The following PPP4R3A variants were observed in gnomAD, a reference collection of about 807,000 sequenced individuals.
PPP4R3A encodes the protein serine/threonine-protein phosphatase 4 regulatory subunit 3A.
A neutral mutation model predicts 91.7 loss-of-function variants in PPP4R3A; 15 were observed. The ratio of observed to expected loss-of-function variants is 0.16; its 90% confidence interval spans 0.11 to 0.25. The LOEUF (loss-of-function observed/expected upper bound fraction) is 0.25, where lower values mean the gene tolerates loss of function less well. Ranked by LOEUF, PPP4R3A falls within the 10% of genes least tolerant of loss-of-function variation. The probability of loss-of-function intolerance (pLI) is 1.00; values close to 1 mark genes in which losing one functional copy is unlikely to be tolerated. For synonymous variants in PPP4R3A, 377 were observed against 348.7 expected (o/e 1.08, Z -0.91); for missense variants, 623 against 998.4 (o/e 0.62, Z 5.07).
intron 1 of PPP4R3A, among the ~76,000 whole-genome samples, chr14:91,498,095 G>A (rs985412714): frequency 1.3e-5 from 2 of 152,152 alleles, no homozygotes; most frequent in African/African-American, 4.8e-5. Context: ...AGCACTTCAG[G>A]AGGCCAAGGT....
chr14:91,490,812 A>G lies in PPP4R3A; in HGVS notation c.143-10T>C, dbSNP rs765696148. On this transcript the variant is annotated splice_polypyrimidine_tract_variant and intron_variant, in intron 1 of 14. Transcript: ENST00000554943. ...TCTAAAAGTAGAGAACCTAGGAAAC[A>G]GAAAAAGACATTCCATTATGTTACT... 1 of 1,601,008 alleles carries G rather than the reference A, an allele frequency of 6.2e-7. No homozygotes were observed. Among genetic ancestry groups the G allele is most frequent in the South Asian group, 1.1e-5 (1 of 89,434 alleles).
intron 1 of PPP4R3A, among the ~76,000 whole-genome samples, chr14:91,505,279 C>A (rs1029877216): frequency 6.6e-6 from 1 of 152,040 alleles, no homozygotes; most frequent in Non-Finnish European, 1.5e-5. Flanking sequence ...ATGGTGAAAC[C>A]GTGTCCCTAC....
intron 1 of PPP4R3A, among the ~76,000 whole-genome samples, chr14:91,495,613 T>C (rs566159054): frequency 2.6e-5 from 4 of 152,256 alleles, no homozygotes; most frequent in African/African-American, 9.6e-5. Flanking sequence ...GTGGTGATGG[T>C]TGCAAACCTG....
chr14:91,486,918 A>AT (rs777921080), intron 2 of PPP4R3A, among the ~76,000 whole-genome samples: 16,578 of 149,178 alleles, frequency 0.11, 1,302 homozygotes, highest in Non-Finnish European at 0.18. Context: ...AAAAAAAAAA[A>AT]AAAAAATAGA....
In PPP4R3A at chr14:91,509,537, G is replaced by A. The variant is rs771668667; in HGVS notation, c.111C>T (p.Gly37=). The A allele has an allele frequency of 3.8e-6, 6 of 1,598,220 alleles. No homozygotes were observed. The highest frequency in any genetic ancestry group is 2.2e-5 in the East Asian group (1 of 44,630). The part of the protein sequence containing the change: ...VSSGYVERLK[G]MSLLVRAESD... Reference sequence around the variant, plus strand: ...TCTCAGCCCTGACAAGCAGGGACATGCCCTTCAGCCGCTCCACGTAGCCAG... The same window carrying A: ...TCTCAGCCCTGACAAGCAGGGACATACCCTTCAGCCGCTCCACGTAGCCAG... The change falls in exon 1 of 15, where the codon GGC becomes GGT. Residue 37 remains glycine (G), a synonymous_variant. Coordinates refer to ENST00000554943, the MANE Select transcript of PPP4R3A (RefSeq NM_001366432.2).
intron 1 of PPP4R3A, among the ~76,000 whole-genome samples, chr14:91,492,412 CATTT>C (rs1438679473): frequency 1.3e-5 from 2 of 152,198 alleles, no homozygotes; most frequent in African/African-American, 4.8e-5. Context: ...CATCAAAGTT[CATTT>C]GTTTTATGAA....
chr14:91,496,268 T>C (rs140147026), intron 1 of PPP4R3A, among the ~76,000 whole-genome samples: 4 of 152,316 alleles, frequency 2.6e-5, no homozygotes, highest in South Asian at 4.1e-4. Flanking sequence ...TGAATACTTA[T>C]GATTTGTGTA....
intron 10 of PPP4R3A, among the ~76,000 whole-genome samples, chr14:91,469,433 T>TC (rs1168086593): frequency 6.6e-6 from 1 of 152,090 alleles, no homozygotes; most frequent in Non-Finnish European, 1.5e-5. Flanking sequence ...AGCTATAAAC[T>TC]CCCCCTCTAA....
chr14:91,501,556 C>G (rs1890955985), intron 1 of PPP4R3A, among the ~76,000 whole-genome samples: 1 of 152,050 alleles, frequency 6.6e-6, no homozygotes, highest in African/African-American at 2.4e-5. Flanking sequence ...ACTTGGGACA[C>G]TGAGGTGAGA....
chr14:91,473,217 A>T (rs1219005666), intron 8 of PPP4R3A, 22 bp downstream of exon 8: 1 of 1,612,404 alleles, frequency 6.2e-7, no homozygotes, highest in South Asian at 1.1e-5. Context: ...TATGAAAAAG[A>T]GGGGAAATGC....
intron 14 of PPP4R3A, among the ~76,000 whole-genome samples, chr14:91,461,163 A>C (rs910971682): frequency 2.6e-5 from 4 of 152,172 alleles, no homozygotes; most frequent in African/African-American, 9.7e-5. Context: ...CCCAAGTGAG[A>C]ATTCACACTA....
chr14:91,466,192 T>A, intron 10 of PPP4R3A: 2 of 980,642 alleles, frequency 2.0e-6, no homozygotes, highest in Non-Finnish European at 2.4e-6. Flanking sequence ...AAAGCCCTCT[T>A]TACCTAAATG....
chr14:91,489,111 G>A (rs1890081474), intron 2 of PPP4R3A, among the ~76,000 whole-genome samples: 1 of 152,008 alleles, frequency 6.6e-6, no homozygotes. Flanking sequence ...GTTTCACCGT[G>A]TTAGCCAGGA....
At chr14:91,466,423 G>A (rs1888470772) in intron 10 of PPP4R3A, 1 of 985,668 alleles carries the variant, frequency 1.0e-6, no homozygotes, top group South Asian at 4.7e-5. Flanking sequence ...GTTTCTGGGT[G>A]GGAAGGCAGA....
chr14:91,466,911 G>A (rs917012045), intron 10 of PPP4R3A, among the ~76,000 whole-genome samples: 2 of 148,476 alleles, frequency 1.3e-5, no homozygotes, highest in South Asian at 2.2e-4. Context: ...CCAACTTTGC[G>A]GGCTTTGTGG....
At chr14:91,503,501 G>A (rs540105231) in intron 1 of PPP4R3A, among the ~76,000 whole-genome samples, 1 of 152,230 alleles carries the variant, frequency 6.6e-6, no homozygotes, top group South Asian at 2.1e-4. Context: ...TTGTTCCCCA[G>A]CCTTGCATTT....
chr14:91,479,117 G>A (rs1035475619), intron 4 of PPP4R3A, among the ~76,000 whole-genome samples: 2 of 151,996 alleles, frequency 1.3e-5, no homozygotes, highest in Non-Finnish European at 2.9e-5. Context: ...TGAGCAGCTG[G>A]GATTACAGGT....
intron 1 of PPP4R3A, among the ~76,000 whole-genome samples, chr14:91,507,768 CAT>C (rs931616711): frequency 3.3e-5 from 5 of 151,316 alleles, no homozygotes; most frequent in African/African-American, 9.7e-5. Context: ...AAATTAAACA[CAT>C]GATGTGAAGG....
At chr14:91,459,086 G>GAGTT (rs1442609184) in intron 14 of PPP4R3A, among the ~76,000 whole-genome samples, 1 of 151,978 alleles carries the variant, frequency 6.6e-6, no homozygotes, top group Non-Finnish European at 1.5e-5. Flanking sequence ...GGAAAACTTT[G>GAGTT]AGTTAATTAG....
Sources: allele counts gnomAD v4.1 joint callset (sites outside exome capture counted in the v4.1 genomes callset), GRCh38; gene constraint gnomAD v4.1.1; transcripts MANE v1.5; gene names NCBI Gene and HGNC (gene_info 2026-07-23, HGNC 2026-07-21).